CAMTA1: variants seen among roughly 807,000 people sequenced by gnomAD.
The protein encoded by CAMTA1 is calmodulin binding transcription activator 1, also known as calmodulin-binding transcription activator 1.
In CAMTA1, 27 loss-of-function variants were observed where a neutral mutation model predicts 170.9. That is an observed-to-expected ratio of 0.16 (90% CI 0.12 to 0.22). CAMTA1 has a LOEUF of 0.22. Among genes scored for constraint, CAMTA1 ranks in the 10% least tolerant of loss-of-function variants. The pLI is 1.00. For missense variants in CAMTA1, 1,619 were observed against 2,217.2 expected (o/e 0.73, Z 5.42); for synonymous variants, 833 against 891.5 (o/e 0.93, Z 1.17).
At chr1:6,793,191 G>C (rs975241890) in intron 1 of CAMTA1, among the ~76,000 whole-genome samples, 1 of 152,130 alleles carries the variant, frequency 6.6e-6, no homozygotes, top group African/African-American at 2.4e-5. Context: ...TCAGTCGCTA[G>C]TTTTGGACAG....
chr1:7,705,165 G>A (rs1205309854), intron 11 of CAMTA1, among the ~76,000 whole-genome samples: 1 of 151,602 alleles, frequency 6.6e-6, no homozygotes, highest in Non-Finnish European at 1.5e-5. Context: ...GTGGGGATCC[G>A]GCGGGCCCGG....
intron 3 of CAMTA1, among the ~76,000 whole-genome samples, chr1:6,954,294 TG>T (rs1689058006): frequency 6.6e-6 from 1 of 152,174 alleles, no homozygotes; most frequent in South Asian, 2.1e-4. Flanking sequence ...GCAGACTTGA[TG>T]TCAGTTCCCC....
intron 5 of CAMTA1, among the ~76,000 whole-genome samples, chr1:7,295,576 G>A (rs573439008): frequency 2.8e-4 from 43 of 152,282 alleles, no homozygotes; most frequent in African/African-American, 7.7e-4. Flanking sequence ...ACTTCCAGGC[G>A]TTCATCATTT....
At chr1:7,517,199 C>T (rs2094298499) in intron 6 of CAMTA1, among the ~76,000 whole-genome samples, 2 of 152,162 alleles carry the variant, frequency 1.3e-5, no homozygotes, top group Non-Finnish European at 2.9e-5. Flanking sequence ...AGTCCGTGAG[C>T]GTGGGATGTT....
intron 11 of CAMTA1, chr1:7,694,260 T>C (rs1334010095): frequency 1.3e-5 from 2 of 152,224 alleles, no homozygotes; most frequent in Non-Finnish European, 2.9e-5. Context: ...GCATGGCTCC[T>C]ACACAGATCT....
intron 5 of CAMTA1, among the ~76,000 whole-genome samples, chr1:7,366,984 A>G (rs562998641): frequency 3.7e-4 from 56 of 151,380 alleles, no homozygotes; most frequent in African/African-American, 1.3e-3. Flanking sequence ...CCTTCTCCTC[A>G]CCCCAGGGCT....
rs1043421268 is a variant in CAMTA1 at position 7,041,055 on chromosome 1, C to T, written c.235-50249C>T. On this transcript the variant is annotated intron_variant, in intron 3 of 22. Transcript: ENST00000303635. The surrounding 1 kb of genome is among the most constrained non-coding windows in gnomAD (Gnocchi z 5.1). The stretch of plus-strand genomic sequence containing the variant: ...GTTTTTTAAGACAGGTGCGTGTGGG[C>T]GCAGGAGGCGGAGGGCCCTTATGCT... Among the ~76,000 whole-genome samples, 3 of 152,168 alleles carry T rather than the reference C, an allele frequency of 2.0e-5. No individual in the cohort carries two copies. Among genetic ancestry groups the T allele is most frequent in the Admixed American group, 6.5e-5 (1 of 15,284 alleles).
chr1:7,136,148 T>C lies in CAMTA1; in HGVS notation c.302+44777T>C, dbSNP rs1573357447. ...CTGTCCATACCTGTGCCAAACAATATCATGTGGTCTCCTCTTTCAGACAGC... is the reference window on the plus strand; with the variant it reads ...CTGTCCATACCTGTGCCAAACAATACCATGTGGTCTCCTCTTTCAGACAGC... On this transcript the variant is annotated intron_variant, in intron 4 of 22. Coordinates refer to ENST00000303635, the MANE Select transcript of CAMTA1 (RefSeq NM_015215.4). 2.0e-5 allele frequency among the ~76,000 whole-genome samples: 3 copies of C among 152,280 alleles called. No individual in the cohort carries two copies. In the South Asian group the frequency reaches 6.2e-4, roughly 32 times the overall value.
chr1:7,666,676 C>T (rs1005560495), intron 9 of CAMTA1, among the ~76,000 whole-genome samples: 11 of 152,312 alleles, frequency 7.2e-5, no homozygotes, highest in African/African-American at 1.2e-4. Flanking sequence ...TGGCTGCCCA[C>T]GGCCCACTCG....
intron 4 of CAMTA1, among the ~76,000 whole-genome samples, chr1:7,217,306 C>T (rs1446822847): frequency 6.6e-6 from 1 of 152,188 alleles, no homozygotes; most frequent in Admixed American, 6.5e-5. Context: ...TTTCCTGAGG[C>T]CTCTCCAACC....
At chr1:7,737,888 G>A (rs2096783545) in intron 15 of CAMTA1, 71 bp from the exon 16 acceptor site, 1 of 1,469,280 alleles carries the variant, frequency 6.8e-7, no homozygotes, top group South Asian at 1.3e-5. Flanking sequence ...CAGGCATAGA[G>A]AAAGTGTTGA....
At chr1:7,278,418 A>G (rs1487530421) in intron 5 of CAMTA1, among the ~76,000 whole-genome samples, 1 of 152,202 alleles carries the variant, frequency 6.6e-6, no homozygotes, top group Non-Finnish European at 1.5e-5. Context: ...TAAGTTTTCC[A>G]ACTTGCCATT....
At chr1:7,457,576 A>G (rs2092988538) in intron 5 of CAMTA1, among the ~76,000 whole-genome samples, 1 of 152,038 alleles carries the variant, frequency 6.6e-6, no homozygotes, top group South Asian at 2.1e-4. Context: ...TCCTTTCTGG[A>G]GCACACACTG....
chr1:7,032,979 A>G (rs1703010725), intron 3 of CAMTA1, among the ~76,000 whole-genome samples: 1 of 145,564 alleles, frequency 6.9e-6, no homozygotes, highest in Non-Finnish European at 1.6e-5. Context: ...GGCTGCTTTT[A>G]GGATTTTTTC....
intron 6 of CAMTA1, among the ~76,000 whole-genome samples, chr1:7,538,770 C>G (rs536643925): frequency 1.3e-5 from 2 of 152,228 alleles, no homozygotes; most frequent in Non-Finnish European, 1.5e-5. Context: ...GACCAGCTGA[C>G]CAGCTGCCTC....
In CAMTA1 at chr1:7,665,984, A is replaced by G. The variant is rs1317458314; in HGVS notation, c.2652+785A>G. ...GGAGTTCGAGACTAGCCTGGCCAACATGGTGAAACCCCGTCTCTACTAAAA... is the reference window on the plus strand; with the variant it reads ...GGAGTTCGAGACTAGCCTGGCCAACGTGGTGAAACCCCGTCTCTACTAAAA... On this transcript the variant is annotated intron_variant, in intron 9 of 22. Coordinates refer to ENST00000303635, the MANE Select transcript of CAMTA1 (RefSeq NM_015215.4). The surrounding 1 kb of genome is among the most constrained non-coding windows in gnomAD (Gnocchi z 4.3). 6.6e-6 allele frequency among the ~76,000 whole-genome samples: 1 copy of G among 152,060 alleles called. No individual in the cohort carries two copies. Among genetic ancestry groups the G allele is most frequent in the Non-Finnish European group, 1.5e-5 (1 of 68,022 alleles).
rs2094720181 is a variant in CAMTA1, at chr1:7,547,855, C to T, written c.510+79954C>T. Among the ~76,000 whole-genome samples, 1 of 152,138 alleles carries T rather than the reference C, an allele frequency of 6.6e-6. No homozygotes were observed. The highest frequency in any genetic ancestry group is 2.4e-5 in the African/African-American group (1 of 41,420). ...CCCCCTCCAAACCCAGACTCTGACA[C>T]CCCTTGCAAGGGCACTCCACTGTGT... On this transcript the variant is annotated intron_variant, in intron 6 of 22. Coordinates refer to ENST00000303635, the MANE Select transcript of CAMTA1 (RefSeq NM_015215.4). This position sits in a 1 kb window ranked among gnomAD's most constrained non-coding sequence, Gnocchi z 5.7.
intron 4 of CAMTA1, among the ~76,000 whole-genome samples, chr1:7,201,547 T>C (rs1286063278): frequency 1.3e-5 from 2 of 152,188 alleles, no homozygotes; most frequent in Non-Finnish European, 2.9e-5. Flanking sequence ...ACACTTGTTA[T>C]TATCTGACTT....
intron 4 of CAMTA1, among the ~76,000 whole-genome samples, chr1:7,114,167 G>A (rs1307378214): frequency 6.6e-6 from 1 of 152,182 alleles, no homozygotes; most frequent in East Asian, 1.9e-4. Flanking sequence ...CTGAGCTGCT[G>A]CCCTCAGAGT....
Sources: gnomAD v4.1 joint callset for allele counts (sites outside exome capture counted in the v4.1 genomes callset) on GRCh38, gnomAD v4.1.1 for gene constraint, Gnocchi (gnomAD v3.1) non-coding constraint, MANE v1.5 for transcripts, NCBI Gene and HGNC (gene_info 2026-07-23, HGNC 2026-07-21) for gene names.